Variants in ARFGEF3 observed in about 807,000 individuals in gnomAD.
The protein encoded by ARFGEF3 is ARFGEF family member 3.
Under a neutral mutation model 221.7 loss-of-function variants are expected in ARFGEF3, and 96 were observed. The ratio of observed to expected loss-of-function variants is 0.43; its 90% CI spans 0.37 to 0.51. ARFGEF3 has a LOEUF of 0.51. Among genes scored for constraint, ARFGEF3 ranks in the 20% least tolerant of loss-of-function variants. The pLI, the probability that ARFGEF3 is intolerant of heterozygous loss-of-function variation, is 0.00. For synonymous variants in ARFGEF3, 1,145 were observed against 1,126.8 expected (o/e 1.02, Z -0.32); for missense variants, 2,410 against 2,789.9 (o/e 0.86, Z 3.07).
chr6:138,297,253 G>A (rs1237555010), intron 21 of ARFGEF3, among the ~76,000 whole-genome samples: 1 of 152,214 alleles, frequency 6.6e-6, no homozygotes, highest in Non-Finnish European at 1.5e-5. Flanking sequence ...GGAACAGAAA[G>A]ACTGTGGATG....
rs140287471 is a variant in ARFGEF3 at position 138,291,787 on chromosome 6, G to A, written c.3102G>A (p.Ser1034=). Residue 1034 remains serine (S), a synonymous_variant, in exon 19 of 34, where the codon TCG becomes TCA. Coordinates refer to ENST00000251691, the MANE Select transcript of ARFGEF3 (RefSeq NM_020340.5). The surrounding 1 kb of genome is among the most constrained non-coding windows in gnomAD (Gnocchi z 4.5). ...ACAACCACTTCAGCGATGGTGCCTC[G>A]CAGCCCCCTCTGACCATCAGCCAGC... is the stretch of plus-strand genomic sequence containing the variant. ...LEHNHFSDGA[S]QPPLTISQPQ... is the part of the protein sequence containing the mutation. 3.3e-5 allele frequency: 48 copies of A among 1,463,454 alleles called. No individual in the cohort carries two copies. The highest frequency in any genetic ancestry group is 1.2e-4 in the Admixed American group (5 of 40,164). 90.7% of individuals were successfully genotyped at this position (1,463,454 alleles called of 1,614,324 possible). A position where few individuals can be genotyped will look rare whatever the true frequency, so the allele number is the denominator to read the frequency against.
chr6:138,166,328 T>G (rs9484121), intron 1 of ARFGEF3, among the ~76,000 whole-genome samples: 22,054 of 152,254 alleles, frequency 0.14, 2,468 homozygotes, highest in African/African-American at 0.31. Context: ...AAAATAATCT[T>G]CAGTCTCCCT....
intron 32 of ARFGEF3, among the ~76,000 whole-genome samples, chr6:138,329,536 C>T (rs1023374954): frequency 6.6e-6 from 1 of 152,156 alleles, no homozygotes; most frequent in Middle Eastern, 3.4e-3. Flanking sequence ...TGATGGCATG[C>T]ACCTGTAGTC....
At chr6:138,196,737 A>G (rs1777430846) in intron 2 of ARFGEF3, among the ~76,000 whole-genome samples, 1 of 152,134 alleles carries the variant, frequency 6.6e-6, no homozygotes, top group Admixed American at 6.5e-5. Context: ...TAACTTTTTG[A>G]TTCTTTGAAG....
In ARFGEF3 at chr6:138,334,087, G is replaced by C. The variant is rs920965768; in HGVS notation, c.5241G>C (p.Thr1747=). ...GCCCCTCTCCTGGAGAGGAAAAGACGATACAAGTGCCAGAAGCCAAGCTGG... is the reference window on the plus strand; with the variant it reads ...GCCCCTCTCCTGGAGAGGAAAAGACCATACAAGTGCCAGAAGCCAAGCTGG... ...VKGPSPGEEK[T]IQVPEAKLAG... Residue 1747 remains threonine (T), a synonymous_variant, in exon 33 of 34, where the codon ACG becomes ACC. Transcript: ENST00000251691. The surrounding 1 kb of genome is among the most constrained non-coding windows in gnomAD (Gnocchi z 5.1). The C allele has an allele frequency of 3.1e-6, 5 of 1,613,798 alleles. No individual in the cohort carries two copies. Among genetic ancestry groups the C allele is most frequent in the African/African-American group, 1.3e-5 (1 of 74,902 alleles).
intron 15 of ARFGEF3, among the ~76,000 whole-genome samples, chr6:138,286,410 A>G (rs1779293715): frequency 6.6e-6 from 1 of 151,038 alleles, no homozygotes; most frequent in South Asian, 2.1e-4. Context: ...AGATTGTGCC[A>G]CTGCACTCCA....
At chr6:138,206,576 G>T (rs1304869603) in intron 2 of ARFGEF3, among the ~76,000 whole-genome samples, 1 of 152,152 alleles carries the variant, frequency 6.6e-6, no homozygotes, top group Admixed American at 6.5e-5. Flanking sequence ...ATAGAATTTT[G>T]ATGTATATTG....
chr6:138,312,961 C>T (rs760071312), intron 25 of ARFGEF3, among the ~76,000 whole-genome samples: 5 of 152,316 alleles, frequency 3.3e-5, no homozygotes, highest in African/African-American at 9.6e-5. Context: ...CCGCCAGCCT[C>T]GGCCTCCCAA....
intron 8 of ARFGEF3, among the ~76,000 whole-genome samples, chr6:138,248,149 A>G (rs1778518441): frequency 6.6e-6 from 1 of 152,230 alleles, no homozygotes; most frequent in Admixed American, 6.5e-5. Context: ...AGTGGGAGTC[A>G]GTCATAGGGG....
chr6:138,231,696 C>A (rs1024930189), intron 5 of ARFGEF3, among the ~76,000 whole-genome samples: 2 of 152,182 alleles, frequency 1.3e-5, no homozygotes, highest in Admixed American at 1.3e-4. Context: ...AAGAAGGAAT[C>A]TAGATGTTCT....
At position 138,238,547 on chromosome 6, in the gene ARFGEF3, T is replaced by C. The variant is rs756021216; in HGVS notation, c.459T>C (p.Arg153=). 1.2e-6 allele frequency: 2 copies of C among 1,613,892 alleles called. No homozygotes were observed. The highest frequency in any genetic ancestry group is 2.2e-5 in the East Asian group (1 of 44,886). Residue 153 remains arginine, a synonymous_variant, in exon 6 of 34, where the codon CGT becomes CGC. Coordinates refer to ENST00000251691, the MANE Select transcript of ARFGEF3 (RefSeq NM_020340.5). ...IETYISSCHQ[R]SINTAVRATL... ...CGTACATAAGCAGCTGTCACCAGCG[T>C]AGCATAAACACTGCTGTGCGGGCAA...
chr6:138,191,434 C>T (rs1777303092), intron 2 of ARFGEF3, among the ~76,000 whole-genome samples: 1 of 152,156 alleles, frequency 6.6e-6, no homozygotes, highest in Non-Finnish European at 1.5e-5. Context: ...GGACAGCCTT[C>T]CTTCTGGCAT....
intron 5 of ARFGEF3, among the ~76,000 whole-genome samples, chr6:138,234,193 C>A (rs1583024767): frequency 6.6e-6 from 1 of 152,194 alleles, no homozygotes; most frequent in African/African-American, 2.4e-5. Flanking sequence ...TGGACTGGTT[C>A]TCAGCCAACC....
At chr6:138,292,201 A>C (rs1337093672) in intron 19 of ARFGEF3, 148 bp downstream of exon 19, 3 of 732,626 alleles carry the variant, frequency 4.1e-6, no homozygotes, top group East Asian at 6.8e-5. Context: ...TCTCTCTACC[A>C]TTACATCCAT....
intron 4 of ARFGEF3, chr6:138,217,909 T>C: frequency 6.7e-7 from 1 of 1,501,560 alleles, no homozygotes; most frequent in Admixed American, 2.2e-5. Context: ...TTGGCTGGGC[T>C]TAAACAGTCA....
chr6:138,246,913 T>C (rs1029934601), intron 8 of ARFGEF3, among the ~76,000 whole-genome samples: 2 of 152,188 alleles, frequency 1.3e-5, no homozygotes, highest in African/African-American at 4.8e-5. Context: ...GATGGATATG[T>C]TAATTTGTTT....
chr6:138,297,483 C>A (rs1242521000), intron 21 of ARFGEF3, among the ~76,000 whole-genome samples: 1 of 152,200 alleles, frequency 6.6e-6, no homozygotes, highest in East Asian at 1.9e-4. Flanking sequence ...CTAAGCATCT[C>A]AATACATGAG....
chr6:138,264,559 C>T (rs1480867368), intron 12 of ARFGEF3, among the ~76,000 whole-genome samples: 1 of 152,218 alleles, frequency 6.6e-6, no homozygotes, highest in East Asian at 1.9e-4. Flanking sequence ...ATGATCACCA[C>T]TTGCTCTTCT....
chr6:138,222,769 C>T lies in ARFGEF3; in HGVS notation c.352-7015C>T, dbSNP rs1018972327. On this transcript the variant is annotated intron_variant, in intron 4 of 33. Transcript: ENST00000251691. The stretch of plus-strand genomic sequence containing the variant: ...TAGGGGTACAAGTGGCTTTTGGTTG[C>T]ATGGACAAATTGTGTAGTGGTAAAG... Among the ~76,000 whole-genome samples the T allele has an allele frequency of 5.3e-5, 8 of 152,064 alleles. 1 individual carries two copies. Among genetic ancestry groups the T allele is most frequent in the African/African-American group, 1.9e-4 (8 of 41,386 alleles).
Sources: allele counts gnomAD v4.1 joint callset (sites outside exome capture counted in the v4.1 genomes callset), GRCh38; gene constraint gnomAD v4.1.1; non-coding constraint Gnocchi (gnomAD v3.1); transcripts MANE v1.5; gene names NCBI Gene and HGNC (gene_info 2026-07-23, HGNC 2026-07-21).